BEST2: variants seen among roughly 807,000 people sequenced by gnomAD.
BEST2 encodes the protein bestrophin 2.
In BEST2, 36 loss-of-function variants were observed where a neutral mutation model predicts 49.0. The ratio of observed to expected loss-of-function variants is 0.73; its 90% CI spans 0.56 to 0.97. The LOEUF (loss-of-function observed/expected upper bound fraction) is 0.97. Among genes scored for constraint, BEST2 ranks in the 50% least tolerant of loss-of-function variants. The probability of loss-of-function intolerance (pLI) is 0.00; values close to 1 mark genes in which losing one functional copy is unlikely to be tolerated. For missense variants in BEST2, 672 were observed against 710.0 expected (o/e 0.95, Z 0.61); for synonymous variants, 335 against 304.4 (o/e 1.10, Z -1.05).
Position 12,752,626 on chromosome 19 carries a change from G to A in BEST2, c.34G>A (p.Ala12Thr), listed in dbSNP as rs780490794. Residue 12 changes from alanine (A) to threonine (T), a missense_variant, in exon 2 of 10, where the codon GCC (alanine) becomes ACC (threonine). Physicochemically the swap from Ala to Thr is moderately conservative, Grantham distance 58. This residue lies in a region of BEST2 where 365 missense variants were observed against 390.9 expected (regional missense o/e 0.93). Coordinates refer to ENST00000553030, the MANE Select transcript of BEST2 (RefSeq NM_017682.3). ...TVTYTARVAN[A>T]RFGGFSQLLL... ...CACCTACACAGCCCGAGTGGCGAAC[G>A]CCCGCTTCGGTGGCTTCTCCCAGCT... 37 of 1,612,244 alleles carry A rather than the reference G, an allele frequency of 2.3e-5. No individual in the cohort carries two copies. The Middle Eastern group carries it at 2.2e-3, about 96-fold the overall frequency.
chr19:12,752,764 C>T lies in BEST2; in HGVS notation c.152+20C>T, dbSNP rs745813177. ...CTACCGGTGAGGCTGCCCTGAGGTG[C>T]TCATGTTCTAGCGGAGGGGGGGCAG... On this transcript the variant is annotated intron_variant, in intron 2 of 9. Transcript: ENST00000553030. 3 of 1,593,606 alleles carry T rather than the reference C, an allele frequency of 1.9e-6. No individual in the cohort carries two copies. The highest frequency in any genetic ancestry group is 3.4e-5 in the Admixed American group (2 of 59,314).
chr19:12,754,796 G>A lies in BEST2; in HGVS notation c.481+11G>A, dbSNP rs752534600. The A allele has an allele frequency of 2.9e-5, 46 of 1,578,386 alleles. No individual in the cohort carries two copies. The highest frequency in any genetic ancestry group is 1.9e-5 in the Non-Finnish European group (22 of 1,161,594). On this transcript the variant is annotated intron_variant, in intron 4 of 9. Coordinates refer to ENST00000553030, the MANE Select transcript of BEST2 (RefSeq NM_017682.3). ...ACGTGGTGGAGGCTGGTGAGTACTC[G>A]GCCAGAGGCAGGGCAGAGACCGGGC...
Position 12,758,002 on chromosome 19 carries a change from C to G in BEST2, c.1455C>G (p.Thr485=). The G allele has an allele frequency of 6.2e-7, 1 of 1,612,700 alleles. No individual in the cohort carries two copies. Among genetic ancestry groups the G allele is most frequent in the East Asian group, 2.2e-5 (1 of 44,866 alleles). Residue 485 remains threonine, a synonymous_variant, in exon 10 of 10, where the codon ACC becomes ACG. Coordinates refer to ENST00000553030, the MANE Select transcript of BEST2 (RefSeq NM_017682.3). The part of the protein sequence containing the change: ...PGPVEPFSIV[T]MPGPRGPAPP... ...CTGTCGAGCCCTTCAGCATCGTGAC[C>G]ATGCCCGGGCCCCGGGGTCCGGCGC...
Position 12,756,282 on chromosome 19 carries a change from A to G in BEST2, c.1090A>G (p.Thr364Ala). Reference sequence around the variant, plus strand: ...GCGGCAGCCTTCCTTCCAGGGCTCCACCTTTGACATCACGTGAGCCAGTTG... The same window carrying G: ...GCGGCAGCCTTCCTTCCAGGGCTCCGCCTTTGACATCACGTGAGCCAGTTG... ...QLRQPSFQGS[T>A]FDITLAKEDM... Residue 364 changes from threonine (T) to alanine (A), a missense_variant, in exon 9 of 10, where the codon ACC (threonine) becomes GCC (alanine). Physicochemically the swap from Thr to Ala is moderately conservative, Grantham distance 58. This residue lies in a region of BEST2 where 291 missense variants were observed against 279.8 expected (regional missense o/e 1.04). Transcript: ENST00000553030. 6.2e-7 allele frequency: 1 copy of G among 1,613,278 alleles called. No homozygotes were observed. The highest frequency in any genetic ancestry group is 8.5e-7 in the Non-Finnish European group (1 of 1,180,002).
intron 2 of BEST2, 138 bp from the exon 3 acceptor site, chr19:12,753,122 A>T: frequency 1.2e-6 from 1 of 812,984 alleles, no homozygotes; most frequent in South Asian, 1.6e-5. Flanking sequence ...AAGTGCTGGG[A>T]TTACAGGTGT....
At position 12,755,466 on chromosome 19, in the gene BEST2, T is replaced by C. The variant is rs1194571608; in HGVS notation, c.714+10T>C. On this transcript the variant is annotated intron_variant, in intron 6 of 9. Coordinates refer to ENST00000553030, the MANE Select transcript of BEST2 (RefSeq NM_017682.3). The surrounding 1 kb of genome is among the most constrained non-coding windows in gnomAD (Gnocchi z 4.4). ...CCTCGTGTACACGCAGGTAACCCCA[T>C]CATGCCTCTTTTTATATTCGGTGTC... The C allele has an allele frequency of 6.2e-7, 1 of 1,613,932 alleles. No homozygotes were observed. Among genetic ancestry groups the C allele is most frequent in the South Asian group, 1.1e-5 (1 of 91,082 alleles).
rs137957583 is a variant in BEST2, at chr19:12,755,911, C to T, written c.924C>T (p.Asn308=). 8,187 of 1,614,168 alleles carry T rather than the reference C, an allele frequency of 5.1e-3. 36 individuals carry two copies. The highest frequency in any genetic ancestry group is 6.4e-3 in the Non-Finnish European group (7,586 of 1,179,968). The change falls in exon 8 of 10, where the codon AAC becomes AAT. Residue 308 remains asparagine (N), a synonymous_variant. Transcript: ENST00000553030. The surrounding 1 kb of genome is among the most constrained non-coding windows in gnomAD (Gnocchi z 4.4). ...AGGACGATGATGACTTTGAGACCAA[C>T]TTTCTGATCGATAGAAACTTCCAGG... ...FGEDDDDFET[N]FLIDRNFQVS... is the part of the protein sequence containing the mutation.
intron 3 of BEST2, among the ~76,000 whole-genome samples, chr19:12,754,222 C>A (rs566391465): frequency 1.3e-5 from 2 of 151,758 alleles, no homozygotes; most frequent in African/African-American, 4.8e-5. Flanking sequence ...ACTACAGGTG[C>A]GCCACCATGC....
At position 12,757,985 on chromosome 19, in the gene BEST2, C is replaced by G. The variant is rs1599460132; in HGVS notation, c.1438C>G (p.Pro480Ala). 1 of 1,611,758 alleles carries G rather than the reference C, an allele frequency of 6.2e-7. No homozygotes were observed. Among genetic ancestry groups the G allele is most frequent in the Non-Finnish European group, 8.5e-7 (1 of 1,179,632 alleles). The change falls in exon 10 of 10, where the codon CCC becomes GCC. Residue 480 changes from proline to alanine, a missense_variant. By Grantham distance (27) the Pro-to-Ala change is conservative (BLOSUM62 -1). Coordinates refer to ENST00000553030, the MANE Select transcript of BEST2 (RefSeq NM_017682.3). Reference sequence around the variant, plus strand: ...TACCCTCATCCCTGGGCCTGTCGAGCCCTTCAGCATCGTGACCATGCCCGG... The same window carrying G: ...TACCCTCATCCCTGGGCCTGTCGAGGCCTTCAGCATCGTGACCATGCCCGG... ...PLTLIPGPVE[P>A]FSIVTMPGPR...
rs1489333634 is a variant in BEST2 at position 12,755,395 on chromosome 19, G to A, written c.653G>A (p.Arg218Gln). ...KLLLEELNVF[R>Q]GKCGMLFHYD... Reference sequence around the variant, plus strand: ...CACCCCCAGGAGCTGAATGTTTTTCGGGGCAAATGTGGAATGCTCTTTCAC... The same window carrying A: ...CACCCCCAGGAGCTGAATGTTTTTCAGGGCAAATGTGGAATGCTCTTTCAC... The change falls in exon 6 of 10, where the codon CGG (arginine) becomes CAG (glutamine). Residue 218 changes from arginine (R) to glutamine (Q), a missense_variant. Arg to Gln is a conservative substitution (Grantham distance 43). This residue lies in a region of BEST2 where 365 missense variants were observed against 390.9 expected (regional missense o/e 0.93). Coordinates refer to ENST00000553030, the MANE Select transcript of BEST2 (RefSeq NM_017682.3). The surrounding 1 kb of genome is among the most constrained non-coding windows in gnomAD (Gnocchi z 4.4). The A allele has an allele frequency of 8.1e-6, 13 of 1,613,930 alleles. No homozygotes were observed. Among genetic ancestry groups the A allele is most frequent in the East Asian group, 4.5e-5 (2 of 44,888 alleles).
chr19:12,752,624 A>C lies in BEST2; in HGVS notation c.32A>C (p.Asn11Thr), dbSNP rs1320783177. MTVTYTARVA[N>T]ARFGGFSQLL... ...GTCACCTACACAGCCCGAGTGGCGAACGCCCGCTTCGGTGGCTTCTCCCAG... is the reference window on the plus strand; with the variant it reads ...GTCACCTACACAGCCCGAGTGGCGACCGCCCGCTTCGGTGGCTTCTCCCAG... Residue 11 changes from asparagine to threonine, a missense_variant, in exon 2 of 10, where the codon AAC becomes ACC. Asn to Thr is a moderately conservative substitution (Grantham distance 65). Coordinates refer to ENST00000553030, the MANE Select transcript of BEST2 (RefSeq NM_017682.3). The C allele has an allele frequency of 6.2e-7, 1 of 1,612,290 alleles. No homozygotes were observed. Among genetic ancestry groups the C allele is most frequent in the Non-Finnish European group, 8.5e-7 (1 of 1,179,806 alleles).
rs1217592898 is a variant in BEST2 at position 12,758,236 on chromosome 19, C to T, written c.*159C>T. Reference sequence around the variant, plus strand: ...CATGTGTTTGGCGCTGTGCTAGGGGCGGGAGTTCTTCCAGACTCTTGGACC... The same window carrying T: ...CATGTGTTTGGCGCTGTGCTAGGGGTGGGAGTTCTTCCAGACTCTTGGACC... On this transcript the variant is annotated 3_prime_UTR_variant, in exon 10 of 10. Transcript: ENST00000553030. 3 of 938,408 alleles carry T rather than the reference C, an allele frequency of 3.2e-6. No homozygotes were observed. The highest frequency in any genetic ancestry group is 3.3e-4 in the Middle Eastern group (1 of 3,050). 58.1% of individuals were successfully genotyped at this position (938,408 alleles called of 1,614,324 possible).
rs779857048 is a variant in BEST2, at chr19:12,753,268, T to C, written c.161T>C (p.Leu54Pro). The change falls in exon 3 of 10, where the codon CTG (leucine) becomes CCG (proline). Residue 54 changes from leucine (L) to proline (P), a missense_variant. By Grantham distance (98) the Leu-to-Pro change is moderately conservative. This residue lies in a region of BEST2 where 365 missense variants were observed against 390.9 expected (regional missense o/e 0.93). Transcript: ENST00000553030. ...MALSAAYRFVLTEGQKRYFEK... is the reference protein window; with the variant it reads ...MALSAAYRFVPTEGQKRYFEK... ...TCATCTCTATCCCGCAGCTTTGTGC[T>C]GACCGAAGGGCAGAAGCGCTACTTC... The C allele has an allele frequency of 6.2e-7, 1 of 1,614,234 alleles. No individual in the cohort carries two copies. The highest frequency in any genetic ancestry group is 2.2e-5 in the East Asian group (1 of 44,888).
chr19:12,754,597 T>C lies in BEST2; in HGVS notation c.293T>C (p.Leu98Pro), dbSNP rs368638952. 1.5e-5 allele frequency: 24 copies of C among 1,564,124 alleles called. No homozygotes were observed. Among genetic ancestry groups the C allele is most frequent in the Non-Finnish European group, 2.0e-5 (23 of 1,150,414 alleles). ...GTGAACCGCTGGTGGAGCCAGTACCTATGCATGCCGCTGCCCGACGCGCTC... is the reference window on the plus strand; with the variant it reads ...GTGAACCGCTGGTGGAGCCAGTACCCATGCATGCCGCTGCCCGACGCGCTC... ...LVVNRWWSQYLCMPLPDALMC... is the reference protein window; with the variant it reads ...LVVNRWWSQYPCMPLPDALMC... The change falls in exon 4 of 10, where the codon CTA (leucine) becomes CCA (proline). Residue 98 changes from leucine (L) to proline (P), a missense_variant. Around this residue, in one of 3 missense-constraint regions of BEST2, gnomAD observed 365 missense variants for 390.9 expected, o/e 0.93. Coordinates refer to ENST00000553030, the MANE Select transcript of BEST2 (RefSeq NM_017682.3).
At position 12,757,736 on chromosome 19, in the gene BEST2, C is replaced by T. The variant is rs61737519; in HGVS notation, c.1189C>T (p.Leu397Phe). The T allele has an allele frequency of 2.2e-3, 3,459 of 1,544,640 alleles. 78 individuals carry two copies. The African/African-American group carries it at 0.041, about 18-fold the overall frequency. Reference protein sequence around the residue: ...GEAPGDFLQRLLPAGAGMVAG... With the variant: ...GEAPGDFLQRFLPAGAGMVAG... ...GGCGCCCGGCGACTTCCTGCAGCGC[C>T]TCCTGCCGGCGGGCGCGGGCATGGT... Residue 397 changes from leucine (L) to phenylalanine (F), a missense_variant, in exon 10 of 10, where the codon CTC becomes TTC. Coordinates refer to ENST00000553030, the MANE Select transcript of BEST2 (RefSeq NM_017682.3).
At position 12,752,551 on chromosome 19, in the gene BEST2, G is replaced by C; in HGVS notation, c.-42G>C. 2.5e-6 allele frequency: 4 copies of C among 1,603,124 alleles called. No homozygotes were observed. The highest frequency in any genetic ancestry group is 3.4e-6 in the Non-Finnish European group (4 of 1,175,072). On this transcript the variant is annotated 5_prime_UTR_variant, in exon 2 of 10. Coordinates refer to ENST00000553030, the MANE Select transcript of BEST2 (RefSeq NM_017682.3). ...CCACCCACACCCGCAGCCCCCACCC[G>C]GGCCACCCACTCTCCCTTGGCCACA...
chr19:12,754,420 C>T (rs760777597), intron 3 of BEST2, 132 bp from the exon 4 acceptor site: 12 of 745,760 alleles, frequency 1.6e-5, no homozygotes, highest in Admixed American at 1.0e-4. Context: ...CCAGCCCAAA[C>T]GTGGTCAGGT....
intron 2 of BEST2, 73 bp from the exon 3 acceptor site, chr19:12,753,187 C>T: frequency 1.3e-6 from 2 of 1,498,472 alleles, no homozygotes; most frequent in Non-Finnish European, 1.9e-6. Context: ...GGGTGAGGGG[C>T]ACAGCAAGAG....
chr19:12,757,326 C>A (rs1347716753), intron 9 of BEST2, among the ~76,000 whole-genome samples: 2 of 152,100 alleles, frequency 1.3e-5, no homozygotes, highest in Non-Finnish European at 2.9e-5. Context: ...ACAGGAGAAT[C>A]GCTTGAACCC....
Sources: allele counts gnomAD v4.1 joint callset (sites outside exome capture counted in the v4.1 genomes callset), GRCh38; gene constraint gnomAD v4.1.1; regional missense constraint gnomAD v4.1.1; non-coding constraint Gnocchi (gnomAD v3.1); transcripts MANE v1.5; gene names NCBI Gene and HGNC (gene_info 2026-07-23, HGNC 2026-07-21).